Variants in NCKAP1L observed in about 807,000 individuals in gnomAD.
The protein encoded by NCKAP1L is NCK associated protein 1 like.
A neutral mutation model predicts 139.2 loss-of-function variants in NCKAP1L; 53 were observed. The ratio of observed to expected loss-of-function variants is 0.38; its 90% CI spans 0.31 to 0.48. NCKAP1L has a LOEUF of 0.48. Among genes scored for constraint, NCKAP1L ranks in the 20% least tolerant of loss-of-function variants. The probability of loss-of-function intolerance (pLI) is 0.98; values close to 1 mark genes in which losing one functional copy is unlikely to be tolerated. For missense variants in NCKAP1L, 1,151 were observed against 1,381.9 expected, an observed-to-expected ratio of 0.83 and a Z score of 2.65; for synonymous variants, 468 against 499.7, an observed-to-expected ratio of 0.94 and a Z score of 0.85.
At chr12:54,504,107 G>C (rs1225060456) in intron 3 of NCKAP1L, among the ~76,000 whole-genome samples, 2 of 152,174 alleles carry the variant, frequency 1.3e-5, no homozygotes, top group African/African-American at 2.4e-5. Context: ...TGGAATTTCT[G>C]ATCGGTGGGA....
chr12:54,500,478 G>A, intron 2 of NCKAP1L, 55 bp from the exon 3 acceptor site: 1 of 1,197,624 alleles, frequency 8.3e-7, no homozygotes, highest in Non-Finnish European at 1.2e-6. Context: ...TGAGTTATTT[G>A]GATCAATTGT....
At position 54,509,650 on chromosome 12, in the gene NCKAP1L, C is replaced by G; in HGVS notation, c.507-19C>G. 6.3e-7 allele frequency: 1 copy of G among 1,577,352 alleles called. No individual in the cohort carries two copies. Among genetic ancestry groups the G allele is most frequent in the South Asian group, 1.1e-5 (1 of 90,320 alleles). On this transcript the variant is annotated intron_variant, in intron 5 of 30. Transcript: ENST00000293373. ...TGGGTAAGGGAGGGCTGTAACCCCT[C>G]TCCTCTGCTTTCTTCTAGTGACCCC...
At chr12:54,536,414 C>T (rs1177782456) in intron 28 of NCKAP1L, 169 bp downstream of exon 28, 1 of 530,926 alleles carries the variant, frequency 1.9e-6, no homozygotes, top group Non-Finnish European at 3.4e-6. Flanking sequence ...AATCCTAGCA[C>T]TTTGGGAGGC....
intron 2 of NCKAP1L, among the ~76,000 whole-genome samples, chr12:54,500,167 A>C (rs1956786342): frequency 6.7e-6 from 1 of 148,468 alleles, no homozygotes; most frequent in Non-Finnish European, 1.5e-5. Context: ...TCTGTCACCC[A>C]GGCTGGAGTG....
rs1957182621 is a variant in NCKAP1L at position 54,544,319 on chromosome 12, A to G, written c.*1634A>G. On this transcript the variant is annotated 3_prime_UTR_variant, in exon 31 of 31. Coordinates refer to ENST00000293373, the MANE Select transcript of NCKAP1L (RefSeq NM_005337.5). ...TATATTTTTCTGCTTGAGGGGATAG[A>G]GATCCCTCCTCCATCTGCATCTGCA... is the stretch of plus-strand genomic sequence containing the variant. The G allele has an allele frequency of 6.6e-6, 1 of 152,190 alleles. No individual in the cohort carries two copies. The highest frequency in any genetic ancestry group is 6.5e-5 in the Admixed American group (1 of 15,278). The allele number at this position is 152,190 out of a possible 1,614,324, so 9.4% of individuals were successfully genotyped here.
At position 54,521,378 on chromosome 12, in the gene NCKAP1L, G is replaced by C. The variant is rs1956982750; in HGVS notation, c.1878+140G>C. The C allele has an allele frequency of 4.4e-6, 5 of 1,143,112 alleles. 1 individual carries two copies. In the South Asian group the frequency reaches 7.7e-5, roughly 18 times the overall value. The allele number at this position is 1,143,112 out of a possible 1,614,324, so 70.8% of individuals were successfully genotyped here. Reference sequence around the variant, plus strand: ...AGGGCTAGGGCCTTTCTGTACTTGAGTTTATGGCAGAATTCTTTTCTTAGT... The same window carrying C: ...AGGGCTAGGGCCTTTCTGTACTTGACTTTATGGCAGAATTCTTTTCTTAGT... On this transcript the variant is annotated intron_variant, in intron 18 of 30. Coordinates refer to ENST00000293373, the MANE Select transcript of NCKAP1L (RefSeq NM_005337.5).
intron 16 of NCKAP1L, 97 bp downstream of exon 16, chr12:54,519,429 A>AT (rs10686138): frequency 0.29 from 146,402 of 499,138 alleles, 9,030 homozygotes; most frequent in East Asian, 0.45. Flanking sequence ...ATTTTGTTTA[A>AT]TTTTTTTTTT....
intron 3 of NCKAP1L, among the ~76,000 whole-genome samples, chr12:54,503,896 C>T (rs547765408): frequency 6.1e-4 from 93 of 152,226 alleles, no homozygotes; most frequent in African/African-American, 2.2e-3. Context: ...CTGCCTCGGC[C>T]TCCCAAAGTG....
At chr12:54,518,242 T>C (rs1183629665) in intron 13 of NCKAP1L, among the ~76,000 whole-genome samples, 1 of 151,612 alleles carries the variant, frequency 6.6e-6, no homozygotes, top group Non-Finnish European at 1.5e-5. Context: ...CTCAGGAGGC[T>C]GAGGCAGGAG....
At chr12:54,512,202 G>T (rs1245922102) in intron 9 of NCKAP1L, 97 bp downstream of exon 9, 13 of 1,299,196 alleles carry the variant, frequency 1.0e-5, no homozygotes, top group Non-Finnish European at 1.4e-5. Context: ...GATATAGGTG[G>T]TAACGATTAA....
intron 22 of NCKAP1L, among the ~76,000 whole-genome samples, chr12:54,530,325 T>C (rs1167136130): frequency 6.6e-6 from 1 of 152,252 alleles, no homozygotes; most frequent in Non-Finnish European, 1.5e-5. Flanking sequence ...CCTATCTGGA[T>C]TTGTCACTAG....
chr12:54,520,686 C>T lies in NCKAP1L; in HGVS notation c.1626-8C>T, dbSNP rs1440909556. ...ATCTTGATTTAAAGTCTTCCCGTTTCTCTGCAGCTTTCATCTTCGTATCTT... is the reference window on the plus strand; with the variant it reads ...ATCTTGATTTAAAGTCTTCCCGTTTTTCTGCAGCTTTCATCTTCGTATCTT... On this transcript the variant is annotated splice_polypyrimidine_tract_variant and splice_region_variant and intron_variant, in intron 16 of 30. Transcript: ENST00000293373. 2 of 1,614,132 alleles carry T rather than the reference C, an allele frequency of 1.2e-6. No individual in the cohort carries two copies. Among genetic ancestry groups the T allele is most frequent in the Admixed American group, 1.7e-5 (1 of 60,024 alleles).
chr12:54,523,803 C>T, intron 19 of NCKAP1L, 22 bp from the exon 20 acceptor site: 1 of 1,607,882 alleles, frequency 6.2e-7, no homozygotes, highest in Non-Finnish European at 8.5e-7. Context: ...GACCTGTAAT[C>T]CAGGCTCATT....
chr12:54,518,443 A>G (rs1033725623), intron 13 of NCKAP1L, among the ~76,000 whole-genome samples: 1 of 152,216 alleles, frequency 6.6e-6, no homozygotes, highest in African/African-American at 2.4e-5. Context: ...GAAATTACAT[A>G]GAAATAGGAG....
intron 10 of NCKAP1L, 113 bp downstream of exon 10, chr12:54,516,408 A>G: frequency 1.1e-6 from 1 of 940,448 alleles, no homozygotes; most frequent in Non-Finnish European, 1.7e-6. Flanking sequence ...CCTCAACCCA[A>G]GAACTTGCTG....
chr12:54,540,049 G>A (rs1012698504), intron 30 of NCKAP1L, among the ~76,000 whole-genome samples: 4 of 152,188 alleles, frequency 2.6e-5, no homozygotes, highest in Non-Finnish European at 4.4e-5. Context: ...CCCTGTTCTG[G>A]TGCAGAACTT....
At chr12:54,518,316 TG>T (rs1309494657) in intron 13 of NCKAP1L, among the ~76,000 whole-genome samples, 2 of 151,108 alleles carry the variant, frequency 1.3e-5, no homozygotes, top group African/African-American at 4.9e-5. Flanking sequence ...CACTCCAGCT[TG>T]GGCGACAGAG....
At position 54,546,251 on chromosome 12, in the gene NCKAP1L, T is replaced by C. The variant is rs112553848; in HGVS notation, c.*3566T>C. The C allele has an allele frequency of 0.019, 2,865 of 150,242 alleles. 37 individuals carry two copies. Among genetic ancestry groups the C allele is most frequent in the Non-Finnish European group, 0.027 (1,830 of 67,886 alleles). 9.3% of individuals were successfully genotyped at this position (150,242 alleles called of 1,614,324 possible). ...GTTCCTGCCTGTAGTCCTAGCTACT[T>C]GGAAGGCTGAGGTGGGGAGGATCGC... On this transcript the variant is annotated 3_prime_UTR_variant, in exon 31 of 31. Coordinates refer to ENST00000293373, the MANE Select transcript of NCKAP1L (RefSeq NM_005337.5).
intron 16 of NCKAP1L, among the ~76,000 whole-genome samples, chr12:54,520,354 C>T (rs1956971580): frequency 6.6e-6 from 1 of 152,120 alleles, no homozygotes; most frequent in African/African-American, 2.4e-5. Context: ...TACTGAAGGA[C>T]TTCTAAATTA....
Sources: gnomAD v4.1 joint callset for allele counts (sites outside exome capture counted in the v4.1 genomes callset) on GRCh38, gnomAD v4.1.1 for gene constraint, MANE v1.5 for transcripts, NCBI Gene and HGNC (gene_info 2026-07-23, HGNC 2026-07-21) for gene names.